SUMF1: variants seen among roughly 807,000 people sequenced by gnomAD.
SUMF1 encodes sulfatase modifying factor 1, also known as formylglycine-generating enzyme.
SUMF1 carries 48 observed loss-of-function variants against 47.6 expected under a neutral mutation model. The observed-to-expected ratio is 1.01, with a 90% confidence interval of 0.80 to 1.28. The LOEUF (loss-of-function observed/expected upper bound fraction) is 1.28. SUMF1 is among the 50% of genes most tolerant of loss of function. The pLI is 0.00. For missense variants in SUMF1, 571 were observed against 485.4 expected, an observed-to-expected ratio of 1.18 and a Z score of -1.66; for synonymous variants, 230 against 192.1, an observed-to-expected ratio of 1.20 and a Z score of -1.63.
chr3:4,424,035 C>T (rs1202768943), intron 3 of SUMF1, among the ~76,000 whole-genome samples: 2 of 152,220 alleles, frequency 1.3e-5, no homozygotes, highest in African/African-American at 2.4e-5. Flanking sequence ...ACTACCCAGC[C>T]TCAGGTATTT....
intron 8 of SUMF1, among the ~76,000 whole-genome samples, chr3:4,324,351 A>C (rs1256765391): frequency 6.6e-6 from 1 of 152,222 alleles, no homozygotes; most frequent in Non-Finnish European, 1.5e-5. Flanking sequence ...GGCAGGTCTC[A>C]ATCAATGAGA....
intron 8 of SUMF1, among the ~76,000 whole-genome samples, chr3:4,091,144 T>C (rs1220071083): frequency 6.6e-6 from 1 of 151,944 alleles, no homozygotes; most frequent in Non-Finnish European, 1.5e-5. Context: ...AGTAGAAGTT[T>C]GGTGATGTTT....
intron 8 of SUMF1, among the ~76,000 whole-genome samples, chr3:4,259,889 T>C (rs1697048126): frequency 1.3e-5 from 2 of 152,166 alleles, no homozygotes; most frequent in African/African-American, 4.8e-5. Flanking sequence ...GTTTAAATTT[T>C]TTTTTAACCA....
At chr3:4,335,960 C>CAAAAAAAAAAAAA (rs770091674) in intron 8 of SUMF1, among the ~76,000 whole-genome samples, 70 of 73,804 alleles carry the variant, frequency 9.5e-4, no homozygotes, top group African/African-American at 1.7e-3. Flanking sequence ...GATTCCAACT[C>CAAAAAAAAAAAAA]AAAAAAAAAA....
intron 3 of SUMF1, among the ~76,000 whole-genome samples, chr3:4,432,163 A>G (rs550391283): frequency 5.9e-5 from 9 of 151,890 alleles, no homozygotes; most frequent in African/African-American, 1.9e-4. Context: ...CTTTAGGTTC[A>G]GTAATTTATT....
In SUMF1 at chr3:4,209,343, T is replaced by A. The variant is rs982595414; in HGVS notation, c.1015-140598A>T. On this transcript the variant is annotated intron_variant and NMD_transcript_variant, in intron 8 of 12. Transcript: ENST00000448413. ...GCAAACATCATGGAGAACAAAACAC[T>A]AACTGAAACTTTATTCAAATTCAGT... 2.6e-5 allele frequency among the ~76,000 whole-genome samples: 4 copies of A among 152,186 alleles called. 1 individual carries two copies. The highest frequency in any genetic ancestry group is 5.9e-5 in the Non-Finnish European group (4 of 68,026).
chr3:4,063,697 C>A (rs1164743633), intron 9 of SUMF1, among the ~76,000 whole-genome samples: 1 of 152,100 alleles, frequency 6.6e-6, no homozygotes, highest in Non-Finnish European at 1.5e-5. Context: ...TACTATTTAG[C>A]CATCCTGGTG....
At position 4,231,913 on chromosome 3, in the gene SUMF1, G is replaced by A. The variant is rs138727035; in HGVS notation, c.1014+144417C>T. Reference sequence around the variant, plus strand: ...CTCATTACAGATAAATTCATTACATGTTTTATTAAGTCTAGGAAAAAGATG... The same window carrying A: ...CTCATTACAGATAAATTCATTACATATTTTATTAAGTCTAGGAAAAAGATG... On this transcript the variant is annotated intron_variant and NMD_transcript_variant, in intron 8 of 12. Transcript: ENST00000448413. Among the ~76,000 whole-genome samples the A allele has an allele frequency of 5.9e-3, 895 of 152,222 alleles. 4 individuals are homozygous for A. The highest frequency in any genetic ancestry group is 0.01 in the Middle Eastern group (3 of 294).
intron 8 of SUMF1, among the ~76,000 whole-genome samples, chr3:4,311,947 C>CCTT (rs761954670): frequency 1.3e-4 from 20 of 152,122 alleles, no homozygotes; most frequent in East Asian, 9.6e-4. Flanking sequence ...GAGGATCTAA[C>CCTT]CAGAGATCAG....
chr3:4,252,351 C>A (rs201311178), intron 8 of SUMF1, among the ~76,000 whole-genome samples: 1 of 123,538 alleles, frequency 8.1e-6, no homozygotes, highest in Non-Finnish European at 1.7e-5. Flanking sequence ...TACACACATG[C>A]GCACACACAC....
At chr3:4,202,152 G>A (rs1695553875) in intron 8 of SUMF1, among the ~76,000 whole-genome samples, 1 of 151,974 alleles carries the variant, frequency 6.6e-6, no homozygotes, top group Non-Finnish European at 1.5e-5. Flanking sequence ...CCATGCTTGT[G>A]GGATATTACC....
chr3:4,258,787 C>A (rs1353556900), intron 8 of SUMF1, among the ~76,000 whole-genome samples: 1 of 139,840 alleles, frequency 7.2e-6, no homozygotes, highest in African/African-American at 2.7e-5. Context: ...GACTATAAAT[C>A]ATGCTGTTAT....
chr3:4,439,221 A>C (rs1463333560), intron 3 of SUMF1, among the ~76,000 whole-genome samples: 1 of 152,210 alleles, frequency 6.6e-6, no homozygotes, highest in African/African-American at 2.4e-5. Flanking sequence ...CAAAAAAAGA[A>C]TAGCAAAGAA....
At chr3:4,393,259 C>T (rs1700933910) in intron 7 of SUMF1, among the ~76,000 whole-genome samples, 1 of 152,158 alleles carries the variant, frequency 6.6e-6, no homozygotes, top group Non-Finnish European at 1.5e-5. Flanking sequence ...GTGCCCCCAT[C>T]CTCCACCCTG....
At chr3:4,359,381 G>A (rs535691337), downstream of SUMF1, among the ~76,000 whole-genome samples, 7 of 152,210 alleles carry the variant, frequency 4.6e-5, no homozygotes, top group Admixed American at 2.0e-4. Context: ...GGGCACAAGC[G>A]AACCTCCCAC....
rs527578035 is a variant in SUMF1 at position 4,295,568 on chromosome 3, A to T, written c.1014+80762T>A. Reference sequence around the variant, plus strand: ...GAACGAACCGCGGGCTGTGCTTTTCAAGGTCAAACTGCAAACAAAGCAAGT... The same window carrying T: ...GAACGAACCGCGGGCTGTGCTTTTCTAGGTCAAACTGCAAACAAAGCAAGT... On this transcript the variant is annotated intron_variant and NMD_transcript_variant, in intron 8 of 12. Transcript: ENST00000448413. 9.2e-5 allele frequency among the ~76,000 whole-genome samples: 14 copies of T among 152,284 alleles called. No individual in the cohort carries two copies. In the South Asian group the frequency reaches 2.9e-3, roughly 32 times the overall value.
chr3:4,346,040 G>T (rs988313587), intron 8 of SUMF1, among the ~76,000 whole-genome samples: 1 of 152,148 alleles, frequency 6.6e-6, no homozygotes, highest in African/African-American at 2.4e-5. Flanking sequence ...AATTTTTAGA[G>T]ATCTACAAAG....
downstream of SUMF1, among the ~76,000 whole-genome samples, chr3:4,358,269 G>C (rs1029757111): frequency 1.3e-5 from 2 of 152,160 alleles, no homozygotes; most frequent in African/African-American, 4.8e-5. Flanking sequence ...CAGGACTAAA[G>C]CAGACTTGAA....
chr3:4,056,079 C>G (rs1695187120), intron 9 of SUMF1, among the ~76,000 whole-genome samples: 1 of 152,172 alleles, frequency 6.6e-6, no homozygotes, highest in African/African-American at 2.4e-5. Context: ...CCAGGATACT[C>G]TCCCTATTTT....
Sources: allele counts gnomAD v4.1 joint callset (sites outside exome capture counted in the v4.1 genomes callset), GRCh38; gene constraint gnomAD v4.1.1; transcripts MANE v1.5; gene names NCBI Gene and HGNC (gene_info 2026-07-23, HGNC 2026-07-21).